Variants in BCAT2 observed in about 807,000 individuals in gnomAD.
BCAT2 encodes branched chain amino acid transaminase 2.
In BCAT2, 44 loss-of-function variants were observed where a neutral mutation model predicts 52.9. The ratio of observed to expected loss-of-function variants is 0.83; its 90% confidence interval spans 0.65 to 1.07. BCAT2 has a LOEUF of 1.07. BCAT2 is among the 50% of genes least tolerant of loss of function. The probability of loss-of-function intolerance (pLI) is 0.00; values close to 1 mark genes in which losing one functional copy is unlikely to be tolerated. For missense variants in BCAT2, 478 were observed against 521.8 expected, an observed-to-expected ratio of 0.92 and a Z score of 0.82; for synonymous variants, 215 against 217.1, an observed-to-expected ratio of 0.99 and a Z score of 0.08.
chr19:48,803,339 C>T (rs576875814), intron 3 of BCAT2, among the ~76,000 whole-genome samples: 3 of 151,952 alleles, frequency 2.0e-5, no homozygotes, highest in South Asian at 4.2e-4. Context: ...GGCAACATAA[C>T]AAGACCCCAT....
Position 48,806,661 on chromosome 19 carries a change from G to A in BCAT2, c.156C>T (p.Gly52=), listed in dbSNP as rs760038855. The change falls in exon 3 of 11, where the codon GGC becomes GGT. Residue 52 remains glycine, a synonymous_variant. Coordinates refer to ENST00000316273, the MANE Select transcript of BCAT2 (RefSeq NM_001190.4). ...TQKPHKKPGP[G]EPLVFGKTFT... ...ATGTCTTCCCAAACACCAGGGGCTC[G>A]CCGGGGCCAGGCTTCTTATGAGGCT... 4 of 1,614,040 alleles carry A rather than the reference G, an allele frequency of 2.5e-6. No individual in the cohort carries two copies. Among genetic ancestry groups the A allele is most frequent in the South Asian group, 1.1e-5 (1 of 91,092 alleles).
At chr19:48,810,941 C>A (rs748711160) in intron 1 of BCAT2, 43 bp downstream of exon 1, 1 of 1,601,218 alleles carries the variant, frequency 6.2e-7, no homozygotes, top group East Asian at 2.3e-5. Context: ...AGTGCGCCTC[C>A]CCCGGTTATT....
chr19:48,796,377 C>T (rs1568504485), intron 10 of BCAT2, 51 bp downstream of exon 10: 2 of 1,610,120 alleles, frequency 1.2e-6, no homozygotes, highest in Middle Eastern at 1.7e-4. Flanking sequence ...GGGACACCAA[C>T]TTCTCCAGGG....
At chr19:48,809,768 A>T (rs566869) in intron 1 of BCAT2, among the ~76,000 whole-genome samples, 99,566 of 141,882 alleles carry the variant, frequency 0.7, 33,060 homozygotes, top group African/African-American at 0.76. Context: ...GTCTGAAATT[A>T]AAAAAAAAAA....
Position 48,800,174 on chromosome 19 carries a change from C to A in BCAT2, c.411+13G>T, listed in dbSNP as rs780448415. On this transcript the variant is annotated intron_variant, in intron 4 of 10. Coordinates refer to ENST00000316273, the MANE Select transcript of BCAT2 (RefSeq NM_001190.4). ...AGCCCTCCTCCCCACCCCGGTGGAC[C>A]GGGACCCCTCACCGGCAGGCACAGG... The A allele has an allele frequency of 6.2e-7, 1 of 1,612,962 alleles. No individual in the cohort carries two copies. Among genetic ancestry groups the A allele is most frequent in the Non-Finnish European group, 8.5e-7 (1 of 1,179,482 alleles).
intron 3 of BCAT2, 80 bp from the exon 4 acceptor site, chr19:48,800,377 A>T (rs2034633372): frequency 8.0e-7 from 1 of 1,247,658 alleles, no homozygotes; most frequent in South Asian, 1.3e-5. Flanking sequence ...AGAGACAGAT[A>T]CACAAAGACA....
chr19:48,797,814 CTT>C (rs11310101), intron 6 of BCAT2, among the ~76,000 whole-genome samples: 24 of 130,710 alleles, frequency 1.8e-4, no homozygotes, highest in Non-Finnish European at 2.3e-4. Flanking sequence ...TTCTTTTTTT[CTT>C]TTTTTTTTTT....
chr19:48,802,437 ATTCC>A (rs2034676928), intron 3 of BCAT2, among the ~76,000 whole-genome samples: 1 of 129,126 alleles, frequency 7.7e-6, no homozygotes, highest in Non-Finnish European at 1.6e-5. Flanking sequence ...TGTGTACTGG[ATTCC>A]TTTTTTTTTT....
chr19:48,799,556 G>A lies in BCAT2; in HGVS notation c.695+119C>T, dbSNP rs1366424104. On this transcript the variant is annotated intron_variant, in intron 6 of 10. Transcript: ENST00000316273. The surrounding 1 kb of genome is among the most constrained non-coding windows in gnomAD (Gnocchi z 5.5). ...GGTCACTTAGCACTGAGCCCTGCAC[G>A]GTGCTGATGATGTCACCTTCATGTG... 19 of 1,278,180 alleles carry A rather than the reference G, an allele frequency of 1.5e-5. No homozygotes were observed. Among genetic ancestry groups the A allele is most frequent in the Admixed American group, 9.2e-5 (3 of 32,574 alleles). The allele number at this position is 1,278,180 out of a possible 1,614,324, so 79.2% of individuals were successfully genotyped here.
Position 48,799,649 on chromosome 19 carries a change from G to A in BCAT2, c.695+26C>T, listed in dbSNP as rs2034609106. On this transcript the variant is annotated intron_variant, in intron 6 of 10. Coordinates refer to ENST00000316273, the MANE Select transcript of BCAT2 (RefSeq NM_001190.4). This position sits in a 1 kb window ranked among gnomAD's most constrained non-coding sequence, Gnocchi z 5.5. The stretch of plus-strand genomic sequence containing the variant: ...GTCTCCAACGCCCAGTGCGCCAGTC[G>A]TTCTGGGGATGGGGGTGCTACTTAC... The A allele has an allele frequency of 1.9e-6, 3 of 1,542,206 alleles. No individual in the cohort carries two copies. The highest frequency in any genetic ancestry group is 2.3e-5 in the Admixed American group (1 of 44,250).
intron 2 of BCAT2, 73 bp downstream of exon 2, chr19:48,806,927 T>G: frequency 6.5e-7 from 1 of 1,543,094 alleles, no homozygotes; most frequent in Non-Finnish European, 9.0e-7. Flanking sequence ...GCTGTGGACC[T>G]TTTGGAGATG....
At chr19:48,810,739 T>TC in intron 1 of BCAT2, 1 of 429,706 alleles carries the variant, frequency 2.3e-6, no homozygotes, top group Non-Finnish European at 3.2e-6. Flanking sequence ...TGTTTCCCTT[T>TC]TTTTTTTTTT....
At chr19:48,806,969 CAG>C (rs776039264) in intron 2 of BCAT2, 29 bp downstream of exon 2, 16 of 1,607,540 alleles carry the variant, frequency 1.0e-5, no homozygotes. Flanking sequence ...CCTCCTCTCT[CAG>C]AGCCAAGCAT....
At chr19:48,802,541 G>A (rs867603947) in intron 3 of BCAT2, among the ~76,000 whole-genome samples, 17 of 140,280 alleles carry the variant, frequency 1.2e-4, no homozygotes, top group Middle Eastern at 4.0e-3. Flanking sequence ...TCCGCCTCCC[G>A]GGTTCAAGCA....
intron 3 of BCAT2, among the ~76,000 whole-genome samples, chr19:48,803,362 AT>A (rs1335624260): frequency 3.3e-5 from 5 of 152,060 alleles, no homozygotes; most frequent in Admixed American, 2.6e-4. Flanking sequence ...CTAAAAAAAA[AT>A]AAAATAAAAT....
chr19:48,797,556 TTC>T (rs2034555382), intron 6 of BCAT2: 6 of 582,492 alleles, frequency 1.0e-5, no homozygotes, highest in African/African-American at 9.4e-5. Flanking sequence ...TTCTTTTCTT[TTC>T]TTTTTTTTTT....
chr19:48,807,733 T>G lies in BCAT2; in HGVS notation c.25-659A>C. ...ACAGGTGCTTATTCTCTGAAGGTAT[T>G]CGATCAACTGGGCTCTGATTACCTG... On this transcript the variant is annotated intron_variant, in intron 1 of 10. Transcript: ENST00000316273. This position sits in a 1 kb window ranked among gnomAD's most constrained non-coding sequence, Gnocchi z 4.6. 2.0e-6 allele frequency: 2 copies of G among 986,580 alleles called. No individual in the cohort carries two copies. The highest frequency in any genetic ancestry group is 2.4e-6 in the Non-Finnish European group (2 of 830,134). 61.1% of individuals were successfully genotyped at this position (986,580 alleles called of 1,614,324 possible).
At chr19:48,809,054 TAG>T (rs1227083482) in intron 1 of BCAT2, among the ~76,000 whole-genome samples, 1 of 110,718 alleles carries the variant, frequency 9.0e-6, no homozygotes, top group Non-Finnish European at 1.6e-5. Context: ...GCATGAGTGA[TAG>T]AGTGTCTCTC....
rs374069794 is a variant in BCAT2 at position 48,800,105 on chromosome 19, G to C, written c.412-5C>G. The C allele has an allele frequency of 1.2e-6, 2 of 1,613,870 alleles. No homozygotes were observed. The highest frequency in any genetic ancestry group is 2.2e-5 in the East Asian group (1 of 44,868). On this transcript the variant is annotated splice_region_variant and splice_polypyrimidine_tract_variant and intron_variant, in intron 4 of 10. Transcript: ENST00000316273. Reference sequence around the variant, plus strand: ...CAACTCCAGCTTGTCGAAACTCTGGGTGGGATTCTGAATGAGTCAAGGGGC... The same window carrying C: ...CAACTCCAGCTTGTCGAAACTCTGGCTGGGATTCTGAATGAGTCAAGGGGC...
Sources: gnomAD v4.1 joint callset for allele counts (sites outside exome capture counted in the v4.1 genomes callset) on GRCh38, gnomAD v4.1.1 for gene constraint, Gnocchi (gnomAD v3.1) non-coding constraint, MANE v1.5 for transcripts, NCBI Gene and HGNC (gene_info 2026-07-23, HGNC 2026-07-21) for gene names.